DNAH12: variants seen among roughly 807,000 people sequenced by gnomAD.
The protein encoded by DNAH12 is axonemal beta dynein heavy chain 12.
DNAH12 carries 285 observed loss-of-function variants against 371.5 expected under a neutral mutation model. The ratio of observed to expected loss-of-function variants is 0.77; its 90% CI spans 0.70 to 0.85. The LOEUF is 0.85. Ranked by LOEUF, DNAH12 falls within the 40% of genes least tolerant of loss-of-function variation. The pLI is 0.00. For missense variants in DNAH12, 3,611 were observed against 3,689.4 expected, an observed-to-expected ratio of 0.98 and a Z score of 0.55; for synonymous variants, 1,200 against 1,213.0, an observed-to-expected ratio of 0.99 and a Z score of 0.22.
chr3:57,296,408 A>G lies in DNAH12; in HGVS notation c.11560T>C (p.Ser3854Pro). Residue 3854 changes from serine (S) to proline (P), a missense_variant, in exon 72 of 74, where the codon TCA (serine) becomes CCA (proline). This residue lies in a region of DNAH12 where 2,266 missense variants were observed against 2,236.9 expected (regional missense o/e 1.01). Coordinates refer to ENST00000495027, the MANE Select transcript of DNAH12 (RefSeq NM_001366028.2). ...EVIPSDTSDT[S>P]PEDGVYIHGL... ...TGGATATAAACACCATCTTCTGGTG[A>G]TGTGTCAGATGTATCAGATGGGATA... 1 of 1,551,036 alleles carries G rather than the reference A, an allele frequency of 6.4e-7. No individual in the cohort carries two copies. Among genetic ancestry groups the G allele is most frequent in the Non-Finnish European group, 8.7e-7 (1 of 1,146,586 alleles).
intron 2 of DNAH12, among the ~76,000 whole-genome samples, chr3:57,525,608 T>C (rs1044757830): frequency 6.6e-6 from 1 of 152,254 alleles, no homozygotes; most frequent in Middle Eastern, 3.4e-3. Flanking sequence ...ATAATAATCA[T>C]ATCAAGGTAA....
intron 35 of DNAH12, among the ~76,000 whole-genome samples, chr3:57,423,226 G>A (rs1345133440): frequency 6.6e-6 from 1 of 152,084 alleles, no homozygotes; most frequent in Non-Finnish European, 1.5e-5. Context: ...CCACTTGAAA[G>A]GTTTAGGTTT....
intron 58 of DNAH12, among the ~76,000 whole-genome samples, chr3:57,358,879 G>A (rs985712539): frequency 2.0e-5 from 3 of 152,058 alleles, no homozygotes; most frequent in Non-Finnish European, 2.9e-5. Context: ...CCACCTCCTG[G>A]GTTCAAGCGA....
At chr3:57,335,086 G>C in intron 60 of DNAH12, 146 bp from the exon 61 acceptor site, 1 of 870,050 alleles carries the variant, frequency 1.1e-6, no homozygotes, top group Non-Finnish European at 1.7e-6. Flanking sequence ...CAAAATTAAT[G>C]AAACAACTGT....
chr3:57,414,985 G>C (rs1411822038), intron 38 of DNAH12, among the ~76,000 whole-genome samples: 1 of 152,128 alleles, frequency 6.6e-6, no homozygotes, highest in Non-Finnish European at 1.5e-5. Flanking sequence ...GCACTCACAT[G>C]GTTCCTGTCA....
chr3:57,505,497 A>G (rs898692243), intron 8 of DNAH12, among the ~76,000 whole-genome samples: 1 of 149,940 alleles, frequency 6.7e-6, no homozygotes, highest in Non-Finnish European at 1.5e-5. Flanking sequence ...CTGGAGTGCA[A>G]TGGCACGATC....
intron 42 of DNAH12, among the ~76,000 whole-genome samples, chr3:57,404,241 A>C: frequency 6.6e-6 from 1 of 151,962 alleles, no homozygotes; most frequent in East Asian, 1.9e-4. Context: ...TGGTACAATT[A>C]TATAATAGAA....
intron 43 of DNAH12, among the ~76,000 whole-genome samples, chr3:57,401,515 G>A (rs2063860614): frequency 1.5e-5 from 2 of 134,364 alleles, no homozygotes; most frequent in Non-Finnish European, 3.0e-5. Flanking sequence ...AGTGAGCCGA[G>A]ATTGCACCAC....
intron 72 of DNAH12, 80 bp downstream of exon 72, chr3:57,296,264 T>C: frequency 8.5e-7 from 1 of 1,178,706 alleles, no homozygotes; most frequent in Non-Finnish European, 1.2e-6. Flanking sequence ...AAAGAGGACT[T>C]TTTTTTTAAG....
chr3:57,400,431 C>G (rs1037310056), intron 43 of DNAH12, among the ~76,000 whole-genome samples: 10 of 152,136 alleles, frequency 6.6e-5, no homozygotes, highest in African/African-American at 2.4e-4. Flanking sequence ...AATTGTACAG[C>G]AACACAATAC....
chr3:57,406,222 G>A (rs1328388376), intron 40 of DNAH12, among the ~76,000 whole-genome samples: 3 of 151,732 alleles, frequency 2.0e-5, no homozygotes, highest in African/African-American at 7.3e-5. Flanking sequence ...GTCATGGCAC[G>A]TGCCTGTAAT....
intron 25 of DNAH12, among the ~76,000 whole-genome samples, chr3:57,450,240 T>G (rs1232612039): frequency 2.1e-5 from 2 of 93,368 alleles, no homozygotes; most frequent in African/African-American, 7.7e-5. Flanking sequence ...AGAGTGAGAC[T>G]GTCTCAATTT....
rs2068118228 is a variant in DNAH12, at chr3:57,514,551, A to C, written c.280-3572T>G. Among the ~76,000 whole-genome samples the C allele has an allele frequency of 2.0e-5, 3 of 152,134 alleles. No homozygotes were observed. The South Asian group carries it at 6.2e-4, about 32-fold the overall frequency. On this transcript the variant is annotated intron_variant, in intron 4 of 73. Coordinates refer to ENST00000495027, the MANE Select transcript of DNAH12 (RefSeq NM_001366028.2). ...AAAATTAATGAGATTGGTTATATGAAAGAGTAGCTTGGAACAGACAGAAAG... is the reference window on the plus strand; with the variant it reads ...AAAATTAATGAGATTGGTTATATGACAGAGTAGCTTGGAACAGACAGAAAG...
At chr3:57,350,973 A>G (rs970350081) in intron 60 of DNAH12, among the ~76,000 whole-genome samples, 14 of 152,184 alleles carry the variant, frequency 9.2e-5, no homozygotes, top group Admixed American at 3.9e-4. Context: ...TAACAACAAT[A>G]TAAAACGTTG....
rs2064100525 is a variant in DNAH12 at position 57,408,329 on chromosome 3, G to A, written c.6227C>T (p.Pro2076Leu). ...VAFYLRTHEFPPEYFVIGNQI... is the reference protein window; with the variant it reads ...VAFYLRTHEFLPEYFVIGNQI... ...GTTCCCAATTACAAAGTACTCTGGA[G>A]GAAATTCATGAGTTCTAAGGTAGAA... Residue 2076 changes from proline to leucine, a missense_variant, in exon 40 of 74, where the codon CCT becomes CTT. Physicochemically the swap from Pro to Leu is moderately conservative, Grantham distance 98 (BLOSUM62 -3). Transcript: ENST00000495027. 2 of 1,551,328 alleles carry A rather than the reference G, an allele frequency of 1.3e-6. No individual in the cohort carries two copies. Among genetic ancestry groups the A allele is most frequent in the Non-Finnish European group, 8.7e-7 (1 of 1,146,802 alleles).
chr3:57,476,588 C>T (rs998874806), intron 13 of DNAH12, among the ~76,000 whole-genome samples: 1 of 91,070 alleles, frequency 1.1e-5, no homozygotes, highest in Non-Finnish European at 2.5e-5. Flanking sequence ...TAAAAAAAAT[C>T]AGAATAGCAC....
rs148329547 is a variant in DNAH12, at chr3:57,436,844, C to T, written c.4655+107G>A. 2.1e-4 allele frequency: 159 copies of T among 761,202 alleles called. No individual in the cohort carries two copies. In the African/African-American group the frequency reaches 2.7e-3, roughly 13 times the overall value. The allele number at this position is 761,202 out of a possible 1,614,324, so 47.2% of individuals were successfully genotyped here. A position where few individuals can be genotyped will look rare whatever the true frequency, so the allele number is the denominator to read the frequency against. ...GGGGCCAGGGGGCGGGCGGGGGTTG[C>T]TCTCAACTCACCTAATCAGTTTGCC... On this transcript the variant is annotated intron_variant, in intron 30 of 73. Coordinates refer to ENST00000495027, the MANE Select transcript of DNAH12 (RefSeq NM_001366028.2).
In DNAH12 at chr3:57,445,234, G is replaced by A. The variant is rs1049308243; in HGVS notation, c.4365C>T (p.Ala1455=). 5.8e-6 allele frequency: 9 copies of A among 1,550,606 alleles called. No homozygotes were observed. Among genetic ancestry groups the A allele is most frequent in the Admixed American group, 3.9e-5 (2 of 50,890 alleles). ...HYDYGMRAVK[A]VLVAAGNLKL... ...TTAGATTGCCAGCAGCCACTAAAAC[G>A]GCTTTTACTGCTCGCATTCCATAGT... The change falls in exon 28 of 74, where the codon GCC becomes GCT. Residue 1455 remains alanine, a synonymous_variant. Transcript: ENST00000495027.
intron 2 of DNAH12, among the ~76,000 whole-genome samples, chr3:57,525,512 A>G (rs1173727091): frequency 1.3e-5 from 2 of 152,192 alleles, no homozygotes; most frequent in African/African-American, 4.8e-5. Context: ...GGCAGTCATC[A>G]CTTTATTTTT....
Sources: gnomAD v4.1 joint callset for allele counts (sites outside exome capture counted in the v4.1 genomes callset) on GRCh38, gnomAD v4.1.1 for gene constraint, gnomAD v4.1.1 regional missense constraint, MANE v1.5 for transcripts, NCBI Gene and HGNC (gene_info 2026-07-23, HGNC 2026-07-21) for gene names.